Variants in CRAMP1 observed in about 807,000 individuals in gnomAD.
CRAMP1 encodes the protein cramped chromatin regulator 1.
In CRAMP1, 50 loss-of-function variants were observed where a neutral mutation model predicts 115.4. The observed-to-expected ratio is 0.43, with a 90% CI of 0.35 to 0.55. CRAMP1 has a LOEUF of 0.55. CRAMP1 is among the 20% of genes least tolerant of loss of function. CRAMP1 has a pLI of 0.01. For missense variants in CRAMP1, 1,679 were observed against 1,721.7 expected (o/e 0.98, Z 0.44); for synonymous variants, 866 against 745.4 (o/e 1.16, Z -2.64).
rs2036930694 is a variant in CRAMP1, at chr16:1,672,535, A to C, written c.3646-1346A>C. The stretch of plus-strand genomic sequence containing the variant: ...CTGCTGATGGACATACAGGGGAAGG[A>C]GAATTACTCTTTGCTCTGCTTTTGA... On this transcript the variant is annotated intron_variant, in intron 20 of 20. Transcript: ENST00000397412. This position sits in a 1 kb window ranked among gnomAD's most constrained non-coding sequence, Gnocchi z 4.9. Among the ~76,000 whole-genome samples, 1 of 152,160 alleles carries C rather than the reference A, an allele frequency of 6.6e-6. No individual in the cohort carries two copies. The highest frequency in any genetic ancestry group is 2.4e-5 in the African/African-American group (1 of 41,434).
intron 2 of CRAMP1, among the ~76,000 whole-genome samples, chr16:1,616,482 G>A (rs548539312): frequency 6.6e-6 from 1 of 152,314 alleles, no homozygotes; most frequent in East Asian, 1.9e-4. Flanking sequence ...ATAGTGCATT[G>A]GTGTGAAAGC....
At chr16:1,650,898 G>A (rs1228443586) in intron 6 of CRAMP1, among the ~76,000 whole-genome samples, 2 of 152,242 alleles carry the variant, frequency 1.3e-5, no homozygotes, top group Non-Finnish European at 2.9e-5. Flanking sequence ...GTGGGCCGCT[G>A]CCCAGAGCCA....
Position 1,673,346 on chromosome 16 carries a change from G to A in CRAMP1, c.3646-535G>A, listed in dbSNP as rs531507173. Among the ~76,000 whole-genome samples the A allele has an allele frequency of 4.0e-5, 6 of 149,654 alleles. No homozygotes were observed. In the East Asian group the frequency reaches 9.8e-4, roughly 24 times the overall value. ...CCCCACCTGTCCTCATGTCTGTGAC[G>A]GGAACGTGTCCCCCACCTGTCCTCA... On this transcript the variant is annotated intron_variant, in intron 20 of 20. Coordinates refer to ENST00000397412, the MANE Select transcript of CRAMP1 (RefSeq NM_020825.4).
chr16:1,636,714 T>G (rs1374137234), intron 4 of CRAMP1, among the ~76,000 whole-genome samples: 1 of 152,180 alleles, frequency 6.6e-6, no homozygotes, highest in Non-Finnish European at 1.5e-5. Flanking sequence ...AGTAACAAAA[T>G]GCAAAATAGC....
intron 2 of CRAMP1, among the ~76,000 whole-genome samples, chr16:1,618,469 G>T (rs2036439514): frequency 1.3e-5 from 2 of 152,126 alleles, no homozygotes; most frequent in South Asian, 2.1e-4. Flanking sequence ...GAATGCTGGT[G>T]CTCTGCTGGG....
intron 1 of CRAMP1, among the ~76,000 whole-genome samples, chr16:1,613,567 C>T (rs1187405598): frequency 6.6e-6 from 1 of 152,222 alleles, no homozygotes; most frequent in South Asian, 2.1e-4. Flanking sequence ...TGTTTCTGGG[C>T]TGCAGCTCTT....
At chr16:1,633,276 C>A (rs2036560849) in intron 4 of CRAMP1, among the ~76,000 whole-genome samples, 1 of 152,200 alleles carries the variant, frequency 6.6e-6, no homozygotes, top group Admixed American at 6.5e-5. Flanking sequence ...TTGGGAAGAG[C>A]CAGGACCCAG....
intron 6 of CRAMP1, among the ~76,000 whole-genome samples, chr16:1,642,443 G>A (rs891236494): frequency 1.3e-5 from 2 of 152,248 alleles, no homozygotes; most frequent in Non-Finnish European, 2.9e-5. Flanking sequence ...AGAAAGTGCA[G>A]CCAGCTTGCC....
chr16:1,644,585 T>A (rs114780679), intron 6 of CRAMP1, among the ~76,000 whole-genome samples: 1 of 152,120 alleles, frequency 6.6e-6, no homozygotes, highest in Non-Finnish European at 1.5e-5. Flanking sequence ...CTGGGGCGTT[T>A]AGGGAAGCGA....
chr16:1,652,965 G>A, intron 7 of CRAMP1, 68 bp from the exon 8 acceptor site: 1 of 1,588,526 alleles, frequency 6.3e-7, no homozygotes, highest in Non-Finnish European at 8.6e-7. Context: ...GGTTTTTCTG[G>A]CCCAGCCCTT....
In CRAMP1 at chr16:1,674,725, G is replaced by C. The variant is rs1457381501; in HGVS notation, c.*680G>C. The C allele has an allele frequency of 6.6e-6, 1 of 152,344 alleles. No homozygotes were observed. The highest frequency in any genetic ancestry group is 2.4e-5 in the African/African-American group (1 of 41,438). 9.4% of individuals were successfully genotyped at this position (152,344 alleles called of 1,614,324 possible). On this transcript the variant is annotated 3_prime_UTR_variant, in exon 21 of 21. Transcript: ENST00000397412. ...AGTCCTGTACTATGCAGGTTGTGTG[G>C]ACTTTACATGGGACCCTGCTAAGCT...
At position 1,673,870 on chromosome 16, in the gene CRAMP1, T is replaced by C. The variant is rs780085747; in HGVS notation, c.3646-11T>C. ...GCGGTGACTTGTTCTTCCTGTCTCC[T>C]CTTCCTGCAGGTTGTGGATTCCCAG... On this transcript the variant is annotated splice_polypyrimidine_tract_variant and intron_variant, in intron 20 of 20. Transcript: ENST00000397412. 6 of 1,613,490 alleles carry C rather than the reference T, an allele frequency of 3.7e-6. No individual in the cohort carries two copies. In the African/African-American group the frequency reaches 6.7e-5, roughly 18 times the overall value.
chr16:1,637,741 T>C, intron 4 of CRAMP1, 83 bp from the exon 5 acceptor site: 1 of 582,922 alleles, frequency 1.7e-6, no homozygotes, highest in Non-Finnish European at 2.9e-6. Flanking sequence ...AGAAACCACG[T>C]GAGCCTGGTG....
chr16:1,667,252 T>C lies in CRAMP1; in HGVS notation c.3037-83T>C, dbSNP rs1015078035. The C allele has an allele frequency of 5.1e-6, 6 of 1,171,616 alleles. No homozygotes were observed. In the African/African-American group the frequency reaches 9.0e-5, roughly 18 times the overall value. The allele number at this position is 1,171,616 out of a possible 1,614,324, so 72.6% of individuals were successfully genotyped here. A position where few individuals can be genotyped will look rare whatever the true frequency, so the allele number is the denominator to read the frequency against. On this transcript the variant is annotated intron_variant, in intron 16 of 20. Coordinates refer to ENST00000397412, the MANE Select transcript of CRAMP1 (RefSeq NM_020825.4). ...GAGGCCAGGGGGATGGAACGCCTCT[T>C]TTTCTGGAACTCTGTCGCGGGTGAG...
chr16:1,656,728 C>G lies in CRAMP1; in HGVS notation c.1971C>G (p.Ala657=). 1.3e-6 allele frequency: 2 copies of G among 1,551,652 alleles called. No homozygotes were observed. Among genetic ancestry groups the G allele is most frequent in the Non-Finnish European group, 1.7e-6 (2 of 1,147,834 alleles). Residue 657 remains alanine (A), a synonymous_variant, in exon 10 of 21, where the codon GCC becomes GCG. Coordinates refer to ENST00000397412, the MANE Select transcript of CRAMP1 (RefSeq NM_020825.4). This position sits in a 1 kb window ranked among gnomAD's most constrained non-coding sequence, Gnocchi z 5.6. ...CTCCGCCGTCTCAGGGACAGCCTGCCGCCAGGCCCCCGAAGGAGGTCCCCG... is the reference window on the plus strand; with the variant it reads ...CTCCGCCGTCTCAGGGACAGCCTGCGGCCAGGCCCCCGAAGGAGGTCCCCG... The part of the protein sequence containing the change: ...AGPPPSQGQP[A]ARPPKEVPAS...
In CRAMP1 at chr16:1,671,123, C is replaced by G. The variant is rs1440687611; in HGVS notation, c.3645+314C>G. ...AGCCAGAGCCGAGTGGGGATGTTACCTCTCCTTCCCTGGCTGTGAGGTGCT... is the reference window on the plus strand; with the variant it reads ...AGCCAGAGCCGAGTGGGGATGTTACGTCTCCTTCCCTGGCTGTGAGGTGCT... On this transcript the variant is annotated intron_variant, in intron 20 of 20. Coordinates refer to ENST00000397412, the MANE Select transcript of CRAMP1 (RefSeq NM_020825.4). This position sits in a 1 kb window ranked among gnomAD's most constrained non-coding sequence, Gnocchi z 5.0. Among the ~76,000 whole-genome samples, 2 of 152,176 alleles carry G rather than the reference C, an allele frequency of 1.3e-5. No homozygotes were observed. Among genetic ancestry groups the G allele is most frequent in the Admixed American group, 1.3e-4 (2 of 15,274 alleles).
chr16:1,651,828 TGAGGTCACACA>T (rs752407752), intron 6 of CRAMP1, among the ~76,000 whole-genome samples: 8 of 144,826 alleles, frequency 5.5e-5, no homozygotes, highest in Non-Finnish European at 9.0e-5. Flanking sequence ...AAAGGTGGAT[TGAGGTCACACA>T]GAGGTCACAG....
Position 1,673,984 on chromosome 16 carries a change from G to A in CRAMP1, c.3749G>A (p.Arg1250His), listed in dbSNP as rs778839791. The change falls in exon 21 of 21, where the codon CGC becomes CAC. Residue 1250 changes from arginine (R) to histidine (H), a missense_variant. Arg to His is a conservative substitution (Grantham distance 29, BLOSUM62 0). This residue lies in a region of CRAMP1 where 709 missense variants were observed against 741.9 expected (regional missense o/e 0.96). Coordinates refer to ENST00000397412, the MANE Select transcript of CRAMP1 (RefSeq NM_020825.4). The part of the protein sequence containing the change: ...AQELSIAEPG[R>H]REALFDGGGG... Reference sequence around the variant, plus strand: ...GAGCTGTCCATCGCTGAGCCTGGCCGCCGAGAAGCTCTGTTTGATGGTGGT... The same window carrying A: ...GAGCTGTCCATCGCTGAGCCTGGCCACCGAGAAGCTCTGTTTGATGGTGGT... 1.2e-5 allele frequency: 20 copies of A among 1,612,836 alleles called. No homozygotes were observed. Among genetic ancestry groups the A allele is most frequent in the Middle Eastern group, 1.9e-4 (1 of 5,218 alleles).
At chr16:1,636,116 A>T (rs2142181646) in intron 4 of CRAMP1, among the ~76,000 whole-genome samples, 1 of 152,292 alleles carries the variant, frequency 6.6e-6, no homozygotes, top group African/African-American at 2.4e-5. Flanking sequence ...CACGCCTGTA[A>T]TCCCAACATT....
Sources: allele counts gnomAD v4.1 joint callset (sites outside exome capture counted in the v4.1 genomes callset), GRCh38; gene constraint gnomAD v4.1.1; regional missense constraint gnomAD v4.1.1; non-coding constraint Gnocchi (gnomAD v3.1); transcripts MANE v1.5; gene names NCBI Gene and HGNC (gene_info 2026-07-23, HGNC 2026-07-21).